Variants in CSMD1 observed in about 807,000 individuals in gnomAD.
CSMD1 encodes the protein CUB and Sushi multiple domains 1, also known as CUB and sushi domain-containing protein 1.
Under a neutral mutation model 417.5 loss-of-function variants are expected in CSMD1, and 213 were observed. The ratio of observed to expected loss-of-function variants is 0.51; its 90% CI spans 0.46 to 0.57. The LOEUF is 0.57. Ranked by LOEUF, CSMD1 falls within the 20% of genes least tolerant of loss-of-function variation. The pLI is 0.00. For missense variants in CSMD1, 6,923 were observed against 4,529.7 expected, an observed-to-expected ratio of 1.53 and a Z score of -15.17; for synonymous variants, 2,862 against 1,736.8, an observed-to-expected ratio of 1.65 and a Z score of -16.11.
At chr8:4,564,647 C>A (rs998571606) in intron 2 of CSMD1, among the ~76,000 whole-genome samples, 2 of 152,184 alleles carry the variant, frequency 1.3e-5, no homozygotes, top group African/African-American at 4.8e-5. Flanking sequence ...TGACACTTCA[C>A]TGAGGAAGCA....
intron 26 of CSMD1, among the ~76,000 whole-genome samples, chr8:3,258,781 G>A (rs1305094762): frequency 6.6e-6 from 1 of 152,218 alleles, no homozygotes; most frequent in Non-Finnish European, 1.5e-5. Flanking sequence ...ATGAGATCAT[G>A]TCCTTTACAG....
chr8:4,985,112 C>G (rs1811105704), intron 1 of CSMD1, among the ~76,000 whole-genome samples: 1 of 152,102 alleles, frequency 6.6e-6, no homozygotes, highest in Admixed American at 6.6e-5. Flanking sequence ...AATCTAGGAA[C>G]AGAAAATCAA....
intron 5 of CSMD1, among the ~76,000 whole-genome samples, chr8:3,983,996 G>T (rs1330926020): frequency 4.0e-5 from 6 of 148,240 alleles, no homozygotes; most frequent in Admixed American, 6.7e-5. Context: ...AGAGCACAGG[G>T]CAGATCTGAT....
Position 3,578,209 on chromosome 8 carries a change from T to G in CSMD1, c.1223-3143A>C, listed in dbSNP as rs79525412. Among the ~76,000 whole-genome samples, 254 of 152,238 alleles carry G rather than the reference T, an allele frequency of 1.7e-3. 2 individuals are homozygous for G. The highest frequency in any genetic ancestry group is 5.8e-3 in the African/African-American group (242 of 41,552). ...ATGTTACGCTTTAAAAAATTAGGTA[T>G]TTGGAAAATAGAAAAAGAAGAGTTA... On this transcript the variant is annotated intron_variant, in intron 9 of 69. Transcript: ENST00000635120.
intron 2 of CSMD1, among the ~76,000 whole-genome samples, chr8:4,535,013 A>C (rs111294753): frequency 0.19 from 29,488 of 152,096 alleles, 3,292 homozygotes; most frequent in Admixed American, 0.37. Flanking sequence ...TGCCTGCCTC[A>C]GCCTCCCAAA....
intron 2 of CSMD1, among the ~76,000 whole-genome samples, chr8:4,590,557 CT>C (rs1282776635): frequency 6.6e-6 from 1 of 151,854 alleles, no homozygotes; most frequent in Non-Finnish European, 1.5e-5. Context: ...TCCCTATATG[CT>C]TTTAAAAATA....
At chr8:3,011,125 G>C (rs1280885995) in intron 52 of CSMD1, among the ~76,000 whole-genome samples, 1 of 152,138 alleles carries the variant, frequency 6.6e-6, no homozygotes, top group Non-Finnish European at 1.5e-5. Context: ...ACCTCTGAAT[G>C]CTGCACCATA....
Position 4,731,677 on chromosome 8 carries a change from G to A in CSMD1, c.86-94119C>T, listed in dbSNP as rs932389246. Among the ~76,000 whole-genome samples, 4 of 152,182 alleles carry A rather than the reference G, an allele frequency of 2.6e-5. No individual in the cohort carries two copies. The South Asian group carries it at 8.3e-4, about 32-fold the overall frequency. On this transcript the variant is annotated intron_variant, in intron 1 of 69. Transcript: ENST00000635120. ...TTTGCATGAGTATCATTTGGAAACT[G>A]AAGACTAGCACTGTTTCAAAGCTCC...
chr8:4,271,606 G>C (rs184637410), intron 3 of CSMD1, among the ~76,000 whole-genome samples: 21 of 150,940 alleles, frequency 1.4e-4, no homozygotes, highest in African/African-American at 4.9e-4. Context: ...AGGTGCCTGA[G>C]AATTAGCTCT....
At chr8:4,544,691 T>C (rs1453985018) in intron 2 of CSMD1, among the ~76,000 whole-genome samples, 1 of 152,206 alleles carries the variant, frequency 6.6e-6, no homozygotes, top group Non-Finnish European at 1.5e-5. Context: ...CCAGGGTGTA[T>C]TACAATGTAT....
In CSMD1 at chr8:4,371,581, T is replaced by C. The variant is rs535378607; in HGVS notation, c.415+48372A>G. Among the ~76,000 whole-genome samples the C allele has an allele frequency of 1.5e-3, 228 of 152,306 alleles. 1 individual carries two copies. The highest frequency in any genetic ancestry group is 5.2e-3 in the African/African-American group (218 of 41,572). On this transcript the variant is annotated intron_variant, in intron 3 of 69. Transcript: ENST00000635120. The stretch of plus-strand genomic sequence containing the variant: ...AATGTATTATTTTTTCATTCATGGA[T>C]TCAAAATGCTGATTTCTCTGCTTCA...
intron 69 of CSMD1, among the ~76,000 whole-genome samples, chr8:2,941,941 A>G (rs747748798): frequency 3.9e-5 from 6 of 152,326 alleles, no homozygotes; most frequent in Non-Finnish European, 7.3e-5. Flanking sequence ...TCATCTTTCA[A>G]TTGAACATGA....
At chr8:3,706,695 A>C (rs1801187919) in intron 7 of CSMD1, among the ~76,000 whole-genome samples, 1 of 152,028 alleles carries the variant, frequency 6.6e-6, no homozygotes, top group Non-Finnish European at 1.5e-5. Context: ...ATTTAATGTA[A>C]GAGTTTGGCC....
chr8:4,288,350 G>A (rs1266901875), intron 3 of CSMD1, among the ~76,000 whole-genome samples: 4 of 152,166 alleles, frequency 2.6e-5, no homozygotes, highest in Middle Eastern at 3.4e-3. Context: ...ATTTTCTTAA[G>A]CAAACCTTAA....
At chr8:4,107,387 A>G (rs929334679) in intron 3 of CSMD1, among the ~76,000 whole-genome samples, 1 of 152,216 alleles carries the variant, frequency 6.6e-6, no homozygotes, top group Non-Finnish European at 1.5e-5. Context: ...CTCTCTATAC[A>G]AAAATCACTC....
chr8:4,260,213 G>A (rs115220602), intron 3 of CSMD1, among the ~76,000 whole-genome samples: 2,394 of 152,184 alleles, frequency 0.016, 68 homozygotes, highest in African/African-American at 0.054. Context: ...TATCTAATTG[G>A]GGTGAACACT....
chr8:3,981,500 T>TAAAAAAAAAAAA lies in CSMD1; in HGVS notation c.818+16391_818+16402dup, dbSNP rs200296436. ...TACTCCAATAACTTATAGAAAAAAG[T>TAAAAAAAAAAAA]AAAAAAAAAAAAAAAAAAAAAAAAA... On this transcript the variant is annotated intron_variant, in intron 5 of 69. Coordinates refer to ENST00000635120, the MANE Select transcript of CSMD1 (RefSeq NM_033225.6). Among the ~76,000 whole-genome samples, 439 of 114,878 alleles carry TAAAAAAAAAAAA rather than the reference T, an allele frequency of 3.8e-3. 1 individual carries two copies. The highest frequency in any genetic ancestry group is 5.5e-3 in the Non-Finnish European group (314 of 57,522). The allele number at this position is 114,878 out of a possible 152,430, so 75.4% of individuals were successfully genotyped here.
In CSMD1 at chr8:4,455,253, A is replaced by G. The variant is rs541532256; in HGVS notation, c.303-35188T>C. Among the ~76,000 whole-genome samples, 6 of 152,314 alleles carry G rather than the reference A, an allele frequency of 3.9e-5. No individual in the cohort carries two copies. In the South Asian group the frequency reaches 6.2e-4, roughly 16 times the overall value. On this transcript the variant is annotated intron_variant, in intron 2 of 69. Transcript: ENST00000635120. ...TAAAATATTTGTTGGCCTTTTCCCC[A>G]GGTTAAAAAAAATAGGAGAAGGAGA...
intron 3 of CSMD1, among the ~76,000 whole-genome samples, chr8:4,283,598 G>T (rs937440658): frequency 6.6e-6 from 1 of 152,172 alleles, no homozygotes; most frequent in Non-Finnish European, 1.5e-5. Flanking sequence ...AGGAAACCCA[G>T]GTCCTTGGGG....
Sources: allele counts gnomAD v4.1 joint callset (sites outside exome capture counted in the v4.1 genomes callset), GRCh38; gene constraint gnomAD v4.1.1; transcripts MANE v1.5; gene names NCBI Gene and HGNC (gene_info 2026-07-23, HGNC 2026-07-21).